Variants in STPG1 observed in about 807,000 individuals in gnomAD.
The protein encoded by STPG1 is sperm tail PG-rich repeat containing 1.
STPG1 carries 33 observed loss-of-function variants against 40.1 expected under a neutral mutation model. The ratio of observed to expected loss-of-function variants is 0.82; its 90% CI spans 0.62 to 1.10. STPG1 has a LOEUF of 1.10. STPG1 is among the 50% of genes least tolerant of loss of function. The probability of loss-of-function intolerance (pLI) is 0.00; values close to 1 mark genes in which losing one functional copy is unlikely to be tolerated. For missense variants in STPG1, 396 were observed against 415.1 expected (o/e 0.95, Z 0.40); for synonymous variants, 150 against 155.0 (o/e 0.97, Z 0.24).
chr1:24,386,477 G>A (rs987781486), intron 3 of STPG1, among the ~76,000 whole-genome samples: 1 of 152,214 alleles, frequency 6.6e-6, no homozygotes, highest in East Asian at 1.9e-4. Flanking sequence ...TGTTGCTGCT[G>A]GTGGCTTGAA....
intron 5 of STPG1, among the ~76,000 whole-genome samples, chr1:24,379,118 C>A (rs116108274): frequency 1.7e-4 from 26 of 152,294 alleles, no homozygotes; most frequent in Non-Finnish European, 3.8e-4. Context: ...TGCCGAAGGC[C>A]GCACAGTTAG....
chr1:24,387,379 G>C (rs1642560106), intron 3 of STPG1, among the ~76,000 whole-genome samples: 1 of 152,160 alleles, frequency 6.6e-6, no homozygotes. Flanking sequence ...GTGGGGTCTG[G>C]AAAGGACAGC....
intron 7 of STPG1, among the ~76,000 whole-genome samples, chr1:24,363,423 C>A (rs1641251523): frequency 6.6e-6 from 1 of 152,192 alleles, no homozygotes; most frequent in South Asian, 2.1e-4. Flanking sequence ...GCTTGACAAT[C>A]CGCTGCCAGC....
chr1:24,403,339 A>G (rs897182271), intron 1 of STPG1, among the ~76,000 whole-genome samples: 1 of 152,172 alleles, frequency 6.6e-6, no homozygotes, highest in African/African-American at 2.4e-5. Flanking sequence ...AACTCTGTGT[A>G]TATCCTTATA....
At chr1:24,361,826 T>C (rs1641138514) in intron 7 of STPG1, among the ~76,000 whole-genome samples, 1 of 152,178 alleles carries the variant, frequency 6.6e-6, no homozygotes, top group African/African-American at 2.4e-5. Context: ...TAACTCATTC[T>C]GGGCCTCAGT....
chr1:24,390,076 T>A (rs192360284), intron 3 of STPG1, among the ~76,000 whole-genome samples: 106 of 152,340 alleles, frequency 7.0e-4, no homozygotes, highest in African/African-American at 2.5e-3. Context: ...GATCTCCTCA[T>A]TCCCTCTCTG....
At chr1:24,406,661 T>C (rs1314193300) in intron 1 of STPG1, among the ~76,000 whole-genome samples, 3 of 152,174 alleles carry the variant, frequency 2.0e-5, no homozygotes, top group African/African-American at 7.2e-5. Flanking sequence ...CATAGGTTTT[T>C]TTCTCTTCCT....
At chr1:24,365,662 C>T (rs972655590) in intron 7 of STPG1, among the ~76,000 whole-genome samples, 2 of 152,240 alleles carry the variant, frequency 1.3e-5, no homozygotes. Flanking sequence ...CCTAGGAAGA[C>T]ACAGAGGACC....
intron 4 of STPG1, among the ~76,000 whole-genome samples, chr1:24,381,448 G>A (rs1642280123): frequency 6.6e-6 from 1 of 152,154 alleles, no homozygotes; most frequent in Non-Finnish European, 1.5e-5. Flanking sequence ...CGGCATTTAT[G>A]AACTTCTCTC....
chr1:24,359,087 T>C lies in STPG1; in HGVS notation c.929-468A>G, dbSNP rs977710835. Among the ~76,000 whole-genome samples the C allele has an allele frequency of 6.6e-6, 1 of 152,176 alleles. No homozygotes were observed. Among genetic ancestry groups the C allele is most frequent in the African/African-American group, 2.4e-5 (1 of 41,438 alleles). Reference sequence around the variant, plus strand: ...CTCATGTTGATACTGACTTGGTTAATGAGGGTCCCGTGCACAGCCTCTCTG... The same window carrying C: ...CTCATGTTGATACTGACTTGGTTAACGAGGGTCCCGTGCACAGCCTCTCTG... On this transcript the variant is annotated intron_variant, in intron 8 of 8. Transcript: ENST00000337248. This position sits in a 1 kb window ranked among gnomAD's most constrained non-coding sequence, Gnocchi z 5.3.
At chr1:24,392,410 G>T (rs1037916997) in intron 2 of STPG1, among the ~76,000 whole-genome samples, 7 of 152,070 alleles carry the variant, frequency 4.6e-5, no homozygotes, top group Admixed American at 2.6e-4. Flanking sequence ...CCAGTTTTTT[G>T]ATGTTTGATG....
intron 7 of STPG1, among the ~76,000 whole-genome samples, chr1:24,363,218 C>A (rs180780910): frequency 6.6e-6 from 1 of 152,324 alleles, no homozygotes; most frequent in African/African-American, 2.4e-5. Context: ...TAATGACTCA[C>A]CAGTGTTCTT....
At chr1:24,389,579 T>C (rs901289493) in intron 3 of STPG1, among the ~76,000 whole-genome samples, 1 of 152,186 alleles carries the variant, frequency 6.6e-6, no homozygotes, top group Non-Finnish European at 1.5e-5. Context: ...CCTCTTCTGT[T>C]AAATTAAAAT....
chr1:24,366,241 G>A (rs548954620), intron 7 of STPG1, among the ~76,000 whole-genome samples: 12 of 152,268 alleles, frequency 7.9e-5, no homozygotes, highest in African/African-American at 1.4e-4. Context: ...AGTCACCGCC[G>A]CTCCACGTAG....
Position 24,360,847 on chromosome 1 carries a change from T to C in STPG1, c.928+4A>G. 5 of 1,605,836 alleles carry C rather than the reference T, an allele frequency of 3.1e-6. No individual in the cohort carries two copies. The highest frequency in any genetic ancestry group is 4.2e-6 in the Non-Finnish European group (5 of 1,176,626). ...TTTACAATCATTTAAAACAATCCTC[T>C]GACCTGGGCCAGGCAGGCCTGGCTG... is the stretch of plus-strand genomic sequence containing the variant. On this transcript the variant is annotated splice_donor_region_variant and intron_variant, in intron 8 of 8. Transcript: ENST00000337248.
intron 3 of STPG1, among the ~76,000 whole-genome samples, chr1:24,389,524 T>C (rs1214786320): frequency 6.6e-6 from 1 of 152,138 alleles, no homozygotes. Flanking sequence ...AACCCTGCAT[T>C]GTGTGACCTT....
rs527332096 is a variant in STPG1, at chr1:24,368,483, G to C, written c.737+1191C>G. On this transcript the variant is annotated intron_variant, in intron 7 of 8. Coordinates refer to ENST00000337248, the MANE Select transcript of STPG1 (RefSeq NM_001199013.2). ...GGGGCTACGCATGGGTGAGAGCTGA[G>C]ATGGTAACAGGAGGACTAACCCTAA... Among the ~76,000 whole-genome samples the C allele has an allele frequency of 2.0e-5, 3 of 152,306 alleles. No homozygotes were observed. In the East Asian group the frequency reaches 5.8e-4, roughly 29 times the overall value.
chr1:24,390,374 A>AG (rs1484257186), intron 3 of STPG1, among the ~76,000 whole-genome samples: 3 of 152,106 alleles, frequency 2.0e-5, no homozygotes, highest in South Asian at 2.1e-4. Flanking sequence ...GATTTAGGGA[A>AG]GGGGGGGTGG....
intron 2 of STPG1, among the ~76,000 whole-genome samples, chr1:24,398,490 A>C (rs1419165040): frequency 6.6e-6 from 1 of 152,132 alleles, no homozygotes; most frequent in Non-Finnish European, 1.5e-5. Context: ...TCTCTAGCCA[A>C]TACAAACGCC....
Sources: allele counts gnomAD v4.1 joint callset (sites outside exome capture counted in the v4.1 genomes callset), GRCh38; gene constraint gnomAD v4.1.1; non-coding constraint Gnocchi (gnomAD v3.1); transcripts MANE v1.5; gene names NCBI Gene and HGNC (gene_info 2026-07-23, HGNC 2026-07-21).